GLT1D1: variants seen among roughly 807,000 people sequenced by gnomAD.
The protein encoded by GLT1D1 is glycosyltransferase 1 domain containing 1.
GLT1D1 carries 21 observed loss-of-function variants against 28.7 expected under a neutral mutation model. The observed-to-expected ratio is 0.73, with a 90% CI of 0.52 to 1.05. The LOEUF (loss-of-function observed/expected upper bound fraction) is 1.05. Ranked by LOEUF, GLT1D1 falls within the 50% of genes least tolerant of loss-of-function variation. GLT1D1 has a pLI of 0.00. For missense variants in GLT1D1, 343 were observed against 330.6 expected, an observed-to-expected ratio of 1.04 and a Z score of -0.29; for synonymous variants, 147 against 124.8, an observed-to-expected ratio of 1.18 and a Z score of -1.19.
chr12:128,900,824 C>T (rs569973886), intron 4 of GLT1D1, among the ~76,000 whole-genome samples: 2 of 151,996 alleles, frequency 1.3e-5, no homozygotes, highest in Non-Finnish European at 2.9e-5. Context: ...TTAGTAGGGA[C>T]GTGGTTTCAC....
At chr12:128,918,543 T>G (rs889755311) in intron 4 of GLT1D1, among the ~76,000 whole-genome samples, 6 of 152,222 alleles carry the variant, frequency 3.9e-5, no homozygotes, top group African/African-American at 1.2e-4. Flanking sequence ...ATGTCAGTAT[T>G]AAGTTCTATT....
chr12:128,895,491 C>G (rs1018647779), intron 3 of GLT1D1, among the ~76,000 whole-genome samples: 6 of 150,126 alleles, frequency 4.0e-5, no homozygotes. Flanking sequence ...GAGTCTCGCT[C>G]TGTCACCCAG....
chr12:128,854,895 G>A (rs186749077), intron 1 of GLT1D1, among the ~76,000 whole-genome samples: 31 of 152,250 alleles, frequency 2.0e-4, no homozygotes, highest in Middle Eastern at 3.4e-3. Context: ...GACCAAGAGA[G>A]GATCCATCAG....
chr12:128,934,472 G>A (rs914805133), intron 4 of GLT1D1, among the ~76,000 whole-genome samples: 4 of 152,184 alleles, frequency 2.6e-5, no homozygotes, highest in Admixed American at 2.6e-4. Flanking sequence ...AGGATTACAG[G>A]CGTGAGCCAC....
At chr12:128,966,199 G>C (rs1471565835) in intron 7 of GLT1D1, among the ~76,000 whole-genome samples, 1 of 152,238 alleles carries the variant, frequency 6.6e-6, no homozygotes, top group Non-Finnish European at 1.5e-5. Context: ...GAGAGAAGGA[G>C]ACAGCAGAAT....
At position 128,983,220 on chromosome 12, in the gene GLT1D1, T is replaced by C. The variant is rs1880505644; in HGVS notation, c.*130T>C. 1 of 809,102 alleles carries C rather than the reference T, an allele frequency of 1.2e-6. No homozygotes were observed. The highest frequency in any genetic ancestry group is 2.5e-5 in the Admixed American group (1 of 40,774). The allele number at this position is 809,102 out of a possible 1,614,324, so 50.1% of individuals were successfully genotyped here. A position where few individuals can be genotyped will look rare whatever the true frequency, so the allele number is the denominator to read the frequency against. On this transcript the variant is annotated 3_prime_UTR_variant, in exon 8 of 8. Transcript: ENST00000281703. This position sits in a 1 kb window ranked among gnomAD's most constrained non-coding sequence, Gnocchi z 4.7. ...AGCCTCAGCGGAATCCTAGAAAATGTTAGTCGTGAGTCCCCAGAGCCACTG... is the reference window on the plus strand; with the variant it reads ...AGCCTCAGCGGAATCCTAGAAAATGCTAGTCGTGAGTCCCCAGAGCCACTG...
intron 4 of GLT1D1, among the ~76,000 whole-genome samples, chr12:128,941,675 C>T (rs781601681): frequency 1.3e-5 from 2 of 149,096 alleles, no homozygotes; most frequent in Non-Finnish European, 3.0e-5. Context: ...CGGGTTCAAG[C>T]GATTCTTCCG....
Position 128,882,610 on chromosome 12 carries a change from C to A in GLT1D1, c.218-6029C>A, listed in dbSNP as rs1339158534. 3.3e-5 allele frequency among the ~76,000 whole-genome samples: 5 copies of A among 152,270 alleles called. No homozygotes were observed. The South Asian group carries it at 6.2e-4, about 19-fold the overall frequency. ...TGTTTTAAAGAACAATATCAACTTT[C>A]ATTCCTTAAGGTATGGACCAATTAT... On this transcript the variant is annotated intron_variant, in intron 2 of 7. Coordinates refer to ENST00000281703, the MANE Select transcript of GLT1D1 (RefSeq NM_144669.3).
intron 1 of GLT1D1, among the ~76,000 whole-genome samples, chr12:128,854,593 A>G (rs547866385): frequency 3.1e-4 from 47 of 152,072 alleles, no homozygotes; most frequent in South Asian, 6.2e-4. Context: ...CGCCTCCTGG[A>G]TTCAAGCATT....
rs147001797 is a variant in GLT1D1 at position 128,879,370 on chromosome 12, TTTTTTC to T, written c.217+3318_217+3323del. 2.8e-4 allele frequency among the ~76,000 whole-genome samples: 35 copies of T among 123,084 alleles called. 1 individual carries two copies. Among genetic ancestry groups the T allele is most frequent in the African/African-American group, 8.6e-4 (25 of 29,028 alleles). The allele number at this position is 123,084 out of a possible 152,430, so 80.7% of individuals were successfully genotyped here. On this transcript the variant is annotated intron_variant, in intron 2 of 7. Transcript: ENST00000281703. ...TTTTCTGTAAAGTGATACTTATTAT[TTTTTTC>T]TTTTTCTTTCTTTCTTTCTTTCTTT...
intron 7 of GLT1D1, among the ~76,000 whole-genome samples, chr12:128,981,030 T>G (rs1295254430): frequency 1.3e-5 from 2 of 152,042 alleles, no homozygotes; most frequent in Non-Finnish European, 2.9e-5. Context: ...ACAGGAGCTT[T>G]TAGTCCAGAA....
intron 2 of GLT1D1, among the ~76,000 whole-genome samples, chr12:128,881,561 AATATATATATATATAT>A (rs1174737837): frequency 2.1e-4 from 7 of 33,722 alleles, no homozygotes; most frequent in African/African-American, 3.3e-4. Context: ...AAAAAAAAAA[AATATATATATATATAT>A]ATATATATAT....
At chr12:128,970,461 G>A (rs1878926428) in intron 7 of GLT1D1, among the ~76,000 whole-genome samples, 1 of 152,168 alleles carries the variant, frequency 6.6e-6, no homozygotes, top group African/African-American at 2.4e-5. Flanking sequence ...CCTCCTTCCA[G>A]CCCGCCCACT....
At chr12:128,953,708 C>G (rs528669898) in intron 6 of GLT1D1, among the ~76,000 whole-genome samples, 1 of 150,044 alleles carries the variant, frequency 6.7e-6, no homozygotes, top group South Asian at 2.1e-4. Context: ...TTCCTTCCTT[C>G]TTTGGCCTGT....
At chr12:128,905,869 C>T (rs1181399123) in intron 4 of GLT1D1, among the ~76,000 whole-genome samples, 2 of 151,648 alleles carry the variant, frequency 1.3e-5, no homozygotes, top group Non-Finnish European at 2.9e-5. Context: ...ACTCTGTTGC[C>T]CAGGCTGGAT....
intron 1 of GLT1D1, among the ~76,000 whole-genome samples, chr12:128,860,681 C>A (rs1205417421): frequency 6.6e-6 from 1 of 152,138 alleles, no homozygotes; most frequent in Admixed American, 6.6e-5. Flanking sequence ...ATCCTTCGGG[C>A]AGGGTGCTTG....
intron 4 of GLT1D1, among the ~76,000 whole-genome samples, chr12:128,909,503 G>A (rs1203870234): frequency 1.3e-5 from 2 of 152,124 alleles, no homozygotes; most frequent in Non-Finnish European, 2.9e-5. Context: ...CGTTTTACAA[G>A]TAGTTTTTAC....
At chr12:128,926,054 G>A (rs905788527) in intron 4 of GLT1D1, among the ~76,000 whole-genome samples, 4 of 151,956 alleles carry the variant, frequency 2.6e-5, no homozygotes, top group African/African-American at 9.7e-5. Context: ...GCCAGGTGTG[G>A]TGGTGCATGC....
At chr12:128,928,608 T>G in intron 4 of GLT1D1, among the ~76,000 whole-genome samples, 1 of 149,408 alleles carries the variant, frequency 6.7e-6, no homozygotes, top group East Asian at 2.0e-4. Context: ...TCCGCGTGTT[T>G]GTGGTTTTTT....
Sources: allele counts gnomAD v4.1 joint callset (sites outside exome capture counted in the v4.1 genomes callset), GRCh38; gene constraint gnomAD v4.1.1; non-coding constraint Gnocchi (gnomAD v3.1); transcripts MANE v1.5; gene names NCBI Gene and HGNC (gene_info 2026-07-23, HGNC 2026-07-21).